The following GPC5 variants were observed in gnomAD, a reference collection of about 807,000 sequenced individuals.
The protein encoded by GPC5 is glypican 5.
GPC5 carries 47 observed loss-of-function variants against 53.9 expected under a neutral mutation model. The observed-to-expected ratio is 0.87, with a 90% CI of 0.69 to 1.11. The LOEUF is 1.11. GPC5 is among the 50% of genes most tolerant of loss of function. The pLI is 0.00. For synonymous variants in GPC5, 286 were observed against 263.3 expected, an observed-to-expected ratio of 1.09 and a Z score of -0.84; for missense variants, 748 against 713.1, an observed-to-expected ratio of 1.05 and a Z score of -0.56.
intron 7 of GPC5, among the ~76,000 whole-genome samples, chr13:92,667,227 C>T (rs61975932): frequency 0.21 from 31,482 of 151,892 alleles, 3,984 homozygotes; most frequent in South Asian, 0.33. Flanking sequence ...TGTACTATGT[C>T]CATAAAAATG....
At chr13:92,391,522 T>G (rs1016274414) in intron 7 of GPC5, among the ~76,000 whole-genome samples, 1 of 152,194 alleles carries the variant, frequency 6.6e-6, no homozygotes, top group Admixed American at 6.5e-5. Flanking sequence ...AGACTTTATG[T>G]GCATCATTAT....
At chr13:92,694,420 A>T (rs1887502072) in intron 7 of GPC5, among the ~76,000 whole-genome samples, 1 of 152,180 alleles carries the variant, frequency 6.6e-6, no homozygotes, top group African/African-American at 2.4e-5. Context: ...GCAGAGCCAC[A>T]GGGGAGGAGC....
At chr13:92,539,492 C>T (rs1444577033) in intron 7 of GPC5, among the ~76,000 whole-genome samples, 1 of 151,946 alleles carries the variant, frequency 6.6e-6, no homozygotes, top group East Asian at 1.9e-4. Flanking sequence ...TGTTCATATC[C>T]TTTGTGCACT....
chr13:91,751,297 G>T (rs1400166854), intron 4 of GPC5, among the ~76,000 whole-genome samples: 1 of 152,126 alleles, frequency 6.6e-6, no homozygotes, highest in East Asian at 1.9e-4. Flanking sequence ...CTCTTTTGCA[G>T]AATTTCTGAT....
intron 7 of GPC5, among the ~76,000 whole-genome samples, chr13:92,519,228 A>G (rs1271514350): frequency 6.6e-6 from 1 of 152,204 alleles, no homozygotes; most frequent in Non-Finnish European, 1.5e-5. Context: ...ATGAGACAGA[A>G]AGTTAATAAG....
At chr13:91,697,537 C>A (rs2035905491) in intron 3 of GPC5, among the ~76,000 whole-genome samples, 2 of 151,926 alleles carry the variant, frequency 1.3e-5, no homozygotes, top group Non-Finnish European at 2.9e-5. Flanking sequence ...TAAACAAATG[C>A]TTGTAATTGT....
At chr13:92,522,459 T>C (rs902629392) in intron 7 of GPC5, among the ~76,000 whole-genome samples, 44 of 152,160 alleles carry the variant, frequency 2.9e-4, no homozygotes, top group Non-Finnish European at 5.9e-4. Flanking sequence ...TGAGTTCATG[T>C]CCTGTGTAGG....
At position 91,694,235 on chromosome 13, in the gene GPC5, C is replaced by T. The variant is rs1016227550; in HGVS notation, c.1020+354C>T. Among the ~76,000 whole-genome samples the T allele has an allele frequency of 5.3e-5, 8 of 152,306 alleles. No individual in the cohort carries two copies. In the East Asian group the frequency reaches 1.2e-3, roughly 22 times the overall value. On this transcript the variant is annotated intron_variant, in intron 3 of 7. Coordinates refer to ENST00000377067, the MANE Select transcript of GPC5 (RefSeq NM_004466.6). ...ATAAAAAGGAAATAGTAACATACAA[C>T]ATTTGAAGTATTCTTTTTTGGGAAT...
chr13:91,668,305 C>T (rs960674455), intron 2 of GPC5, among the ~76,000 whole-genome samples: 1 of 152,168 alleles, frequency 6.6e-6, no homozygotes, highest in African/African-American at 2.4e-5. Context: ...CAGATGTGCA[C>T]ATGCGTGTTT....
At chr13:91,858,528 A>T (rs935572360) in intron 5 of GPC5, among the ~76,000 whole-genome samples, 2 of 151,966 alleles carry the variant, frequency 1.3e-5, no homozygotes, top group African/African-American at 4.8e-5. Flanking sequence ...CTTGGTCATG[A>T]TGAATGATCT....
At chr13:92,826,350 C>T (rs571471266) in intron 7 of GPC5, among the ~76,000 whole-genome samples, 2 of 152,188 alleles carry the variant, frequency 1.3e-5, no homozygotes, top group South Asian at 2.1e-4. Flanking sequence ...GCCATGAGTT[C>T]GGCAGCTGTG....
At chr13:92,814,666 A>T (rs1044522206) in intron 7 of GPC5, among the ~76,000 whole-genome samples, 11 of 151,178 alleles carry the variant, frequency 7.3e-5, no homozygotes, top group African/African-American at 1.9e-4. Flanking sequence ...GTCTCAAAAA[A>T]AAAAATAAAA....
chr13:92,676,670 C>T (rs191735358), intron 7 of GPC5, among the ~76,000 whole-genome samples: 1 of 151,992 alleles, frequency 6.6e-6, no homozygotes, highest in African/African-American at 2.4e-5. Flanking sequence ...TTCCACAGAC[C>T]GACATTGAGC....
At chr13:92,161,039 G>GT (rs144315494) in intron 7 of GPC5, among the ~76,000 whole-genome samples, 197 of 142,760 alleles carry the variant, frequency 1.4e-3, no homozygotes, top group East Asian at 3.6e-3. Flanking sequence ...GCTCAAAAGT[G>GT]TTTTTTTTTT....
At chr13:92,053,778 C>A (rs554830194) in intron 6 of GPC5, among the ~76,000 whole-genome samples, 1 of 151,710 alleles carries the variant, frequency 6.6e-6, no homozygotes, top group Non-Finnish European at 1.5e-5. Context: ...CACCTGTAAT[C>A]CAGCACTTTG....
intron 5 of GPC5, among the ~76,000 whole-genome samples, chr13:91,896,213 G>A (rs1187300211): frequency 1.3e-5 from 2 of 150,426 alleles, no homozygotes; most frequent in South Asian, 2.1e-4. Flanking sequence ...TCCACCTCCC[G>A]GGTTCAAGCA....
chr13:92,256,999 T>C (rs956684145), intron 7 of GPC5, among the ~76,000 whole-genome samples: 1 of 152,022 alleles, frequency 6.6e-6, no homozygotes, highest in African/African-American at 2.4e-5. Flanking sequence ...ACCATGCCAC[T>C]CTTCGATTCT....
intron 5 of GPC5, among the ~76,000 whole-genome samples, chr13:91,827,885 A>G (rs1257428149): frequency 2.6e-5 from 4 of 152,210 alleles, no homozygotes; most frequent in South Asian, 4.1e-4. Flanking sequence ...AGACTTGTTT[A>G]TACGTACTCA....
At chr13:91,983,418 C>T (rs2040378768) in intron 6 of GPC5, among the ~76,000 whole-genome samples, 1 of 151,890 alleles carries the variant, frequency 6.6e-6, no homozygotes, top group Non-Finnish European at 1.5e-5. Flanking sequence ...GCAAGAGCTT[C>T]CTGGTCAAGT....
Sources: allele counts gnomAD v4.1 joint callset (sites outside exome capture counted in the v4.1 genomes callset), GRCh38; gene constraint gnomAD v4.1.1; transcripts MANE v1.5; gene names NCBI Gene and HGNC (gene_info 2026-07-23, HGNC 2026-07-21).